Variants in FAM107B observed in about 807,000 individuals in gnomAD.
FAM107B encodes the protein family with sequence similarity 107 member B.
Under a neutral mutation model 31.5 loss-of-function variants are expected in FAM107B, and 21 were observed. The observed-to-expected ratio is 0.67, with a 90% confidence interval of 0.47 to 0.96. The LOEUF (loss-of-function observed/expected upper bound fraction) is 0.96. Among genes scored for constraint, FAM107B ranks in the 40% least tolerant of loss-of-function variants. FAM107B has a pLI of 0.00. For missense variants in FAM107B, 452 were observed against 377.1 expected, an observed-to-expected ratio of 1.20 and a Z score of -1.64; for synonymous variants, 157 against 141.5, an observed-to-expected ratio of 1.11 and a Z score of -0.78.
chr10:14,705,060 A>T (rs1855489828), intron 1 of FAM107B, among the ~76,000 whole-genome samples: 1 of 149,894 alleles, frequency 6.7e-6, no homozygotes, highest in African/African-American at 2.5e-5. Flanking sequence ...AAGGACTTGA[A>T]TAAACATTTC....
intron 2 of FAM107B, among the ~76,000 whole-genome samples, chr10:14,568,031 C>T (rs138150698): frequency 0.012 from 1,827 of 152,344 alleles, 22 homozygotes; most frequent in Non-Finnish European, 0.016. Flanking sequence ...TTGACAAATA[C>T]TGACCCCTGC....
At chr10:14,738,993 C>A (rs766342764) in intron 1 of FAM107B, among the ~76,000 whole-genome samples, 1 of 152,114 alleles carries the variant, frequency 6.6e-6, no homozygotes, top group African/African-American at 2.4e-5. Flanking sequence ...TTGAAGGGGA[C>A]CCTTTCACCA....
chr10:14,578,320 C>T (rs1851528089), intron 2 of FAM107B, among the ~76,000 whole-genome samples: 1 of 152,204 alleles, frequency 6.6e-6, no homozygotes, highest in Admixed American at 6.5e-5. Context: ...TCCATAAACT[C>T]AATCCAGTCT....
At chr10:14,696,072 A>G (rs939698507) in intron 1 of FAM107B, among the ~76,000 whole-genome samples, 1 of 152,100 alleles carries the variant, frequency 6.6e-6, no homozygotes, top group Admixed American at 6.5e-5. Flanking sequence ...TTAGTGAAAA[A>G]CCTTTCAGTT....
At position 14,774,424 on chromosome 10, in the gene FAM107B, G is replaced by C. The variant is rs201119921; in HGVS notation, c.240C>G (p.Ser80Arg). ...EGAPEKRQDSSTHAERNGSAN... is the reference protein window; with the variant it reads ...EGAPEKRQDSRTHAERNGSAN... ...CACTGCCATTTCTCTCTGCATGGGT[G>C]CTCGAATCTTGCCTTTTCTCTGGAG... Residue 80 changes from serine to arginine, a missense_variant, in exon 1 of 5, where the codon AGC (serine) becomes AGG (arginine). Physicochemically the swap from Ser to Arg is moderately radical, Grantham distance 110 (BLOSUM62 -1). Transcript: ENST00000181796. 1 of 1,614,218 alleles carries C rather than the reference G, an allele frequency of 6.2e-7. No individual in the cohort carries two copies. Among genetic ancestry groups the C allele is most frequent in the East Asian group, 2.2e-5 (1 of 44,886 alleles).
intron 2 of FAM107B, among the ~76,000 whole-genome samples, chr10:14,575,727 G>A (rs1382452769): frequency 6.6e-6 from 1 of 152,138 alleles, no homozygotes; most frequent in Non-Finnish European, 1.5e-5. Context: ...ACAGACACAT[G>A]TGTGCACGGG....
intron 1 of FAM107B, among the ~76,000 whole-genome samples, chr10:14,714,872 A>G (rs1855746792): frequency 6.6e-6 from 1 of 152,166 alleles, no homozygotes; most frequent in African/African-American, 2.4e-5. Context: ...AAATTTTTAT[A>G]CCCACTACAT....
At chr10:14,692,251 C>T (rs559715076) in intron 1 of FAM107B, among the ~76,000 whole-genome samples, 1 of 152,266 alleles carries the variant, frequency 6.6e-6, no homozygotes, top group South Asian at 2.1e-4. Flanking sequence ...AGGCGTACCC[C>T]TGGGGCACAC....
At position 14,604,303 on chromosome 10, in the gene FAM107B, C is replaced by T. The variant is rs1162885342; in HGVS notation, c.469+63331G>A. 8 of 976,658 alleles carry T rather than the reference C, an allele frequency of 8.2e-6. No homozygotes were observed. In the African/African-American group the frequency reaches 1.4e-4, roughly 17 times the overall value. The allele number at this position is 976,658 out of a possible 1,614,324, so 60.5% of individuals were successfully genotyped here. ...TCGCTCCCGGCGCCCGCGGCGGCGC[C>T]CAGCGGCCCGACTGCTCGGCGGCGG... On this transcript the variant is annotated intron_variant, in intron 2 of 4. Transcript: ENST00000181796.
At chr10:14,614,655 A>G (rs946873501) in intron 2 of FAM107B, among the ~76,000 whole-genome samples, 1 of 149,684 alleles carries the variant, frequency 6.7e-6, no homozygotes, top group Non-Finnish European at 1.5e-5. Context: ...CCTGGGTGAC[A>G]CAGCAAGCGA....
intron 2 of FAM107B, among the ~76,000 whole-genome samples, chr10:14,605,290 T>C (rs2131383629): frequency 6.6e-6 from 1 of 152,360 alleles, no homozygotes; most frequent in East Asian, 1.9e-4. Flanking sequence ...CTCTTACAAG[T>C]GCTTTTCTGG....
rs1344065761 is a variant in FAM107B, at chr10:14,746,582, G to A, written c.411+27671C>T. Among the ~76,000 whole-genome samples the A allele has an allele frequency of 3.9e-5, 6 of 152,290 alleles. No individual in the cohort carries two copies. The East Asian group carries it at 5.8e-4, about 15-fold the overall frequency. On this transcript the variant is annotated intron_variant, in intron 1 of 4. Coordinates refer to ENST00000181796, the MANE Select transcript of FAM107B (RefSeq NM_031453.4). The stretch of plus-strand genomic sequence containing the variant: ...TAGTTTGGCCAGATATAAAATTCTG[G>A]GTTGGAAATTCTTTTCTTTAAGAAT...
At chr10:14,701,947 C>G (rs1855408518) in intron 1 of FAM107B, among the ~76,000 whole-genome samples, 1 of 152,266 alleles carries the variant, frequency 6.6e-6, no homozygotes, top group Admixed American at 6.5e-5. Context: ...GCAACAAAAG[C>G]AGTCTTCGAA....
intron 2 of FAM107B, among the ~76,000 whole-genome samples, chr10:14,565,196 G>A (rs897013161): frequency 3.3e-5 from 5 of 152,212 alleles, no homozygotes; most frequent in Admixed American, 2.0e-4. Context: ...TCCCTGCCTC[G>A]TGGACTTATT....
At chr10:14,721,135 G>A (rs1247928958) in intron 1 of FAM107B, among the ~76,000 whole-genome samples, 1 of 152,052 alleles carries the variant, frequency 6.6e-6, no homozygotes, top group East Asian at 1.9e-4. Context: ...GAGAATGATG[G>A]TTTCCAGCTT....
chr10:14,719,833 G>A (rs368522091), intron 1 of FAM107B, among the ~76,000 whole-genome samples: 34 of 152,228 alleles, frequency 2.2e-4, no homozygotes, highest in African/African-American at 6.5e-4. Flanking sequence ...GCTGCTTCCC[G>A]CTGTTATTGA....
intron 1 of FAM107B, among the ~76,000 whole-genome samples, chr10:14,770,549 A>G (rs915845295): frequency 2.6e-5 from 4 of 152,046 alleles, no homozygotes; most frequent in African/African-American, 9.7e-5. Flanking sequence ...AAATAAAATA[A>G]AATAAACAGC....
chr10:14,688,266 G>A (rs971733856), intron 1 of FAM107B, among the ~76,000 whole-genome samples: 5 of 152,258 alleles, frequency 3.3e-5, no homozygotes, highest in Non-Finnish European at 5.9e-5. Flanking sequence ...CTGCACTGTC[G>A]GCTTCCCTAC....
intron 2 of FAM107B, among the ~76,000 whole-genome samples, chr10:14,625,665 T>G (rs535379729): frequency 6.6e-6 from 1 of 152,278 alleles, no homozygotes; most frequent in South Asian, 2.1e-4. Context: ...AGCTGCGTTT[T>G]ACAATCCAAA....
Sources: allele counts gnomAD v4.1 joint callset (sites outside exome capture counted in the v4.1 genomes callset), GRCh38; gene constraint gnomAD v4.1.1; transcripts MANE v1.5; gene names NCBI Gene and HGNC (gene_info 2026-07-23, HGNC 2026-07-21).